EFHC2: variants seen among roughly 807,000 people sequenced by gnomAD.
EFHC2 encodes the protein EF-hand domain-containing family member C2.
EFHC2 carries 18 observed loss-of-function variants against 52.7 expected under a neutral mutation model. The observed-to-expected ratio is 0.34, with a 90% confidence interval of 0.24 to 0.51. EFHC2 has a LOEUF of 0.51. Among genes scored for constraint, EFHC2 ranks in the 20% least tolerant of loss-of-function variants. The pLI is 0.97. For synonymous variants in EFHC2, 203 were observed against 204.1 expected, an observed-to-expected ratio of 0.99 and a Z score of 0.04; for missense variants, 513 against 562.5, an observed-to-expected ratio of 0.91 and a Z score of 0.89.
At chrX:44,304,898 C>T (rs2037892869) in intron 2 of EFHC2, among the ~76,000 whole-genome samples, 1 of 109,437 alleles carries the variant, frequency 9.1e-6, no homozygotes, top group African/African-American at 3.3e-5. Flanking sequence ...TACACTTGGC[C>T]CCTGGATACT....
chrX:44,291,286 A>C (rs753635300), intron 2 of EFHC2, among the ~76,000 whole-genome samples: 5 of 111,920 alleles, frequency 4.5e-5, no homozygotes, highest in Non-Finnish European at 7.5e-5. Context: ...TCTTATTTTA[A>C]GAAAACTCAA....
At chrX:44,330,147 T>C (rs1015167481) in intron 1 of EFHC2, among the ~76,000 whole-genome samples, 4 of 105,651 alleles carry the variant, frequency 3.8e-5, no homozygotes, top group Non-Finnish European at 5.8e-5. Flanking sequence ...GTCCCAGCTA[T>C]TGGGGGGCTG....
chrX:44,166,432 G>A (rs2036697229), intron 13 of EFHC2, among the ~76,000 whole-genome samples: 1 of 111,486 alleles, frequency 9.0e-6, no homozygotes, highest in Non-Finnish European at 1.9e-5. Context: ...AGGGGCTGCT[G>A]GTTGGAAAGA....
chrX:44,248,485 A>C, intron 6 of EFHC2, 75 bp from the exon 7 acceptor site: 2 of 1,059,350 alleles, frequency 1.9e-6, no homozygotes. Flanking sequence ...CCAGAGAAAA[A>C]AAGGAAATTA....
chrX:44,336,386 A>G (rs1285244017), intron 1 of EFHC2, among the ~76,000 whole-genome samples: 2 of 107,473 alleles, frequency 1.9e-5, no homozygotes, highest in African/African-American at 6.7e-5. Flanking sequence ...CTCAGTCTCA[A>G]AAAAAAAAAA....
At chrX:44,189,506 C>T (rs372010734) in intron 11 of EFHC2, among the ~76,000 whole-genome samples, 2 of 112,080 alleles carry the variant, frequency 1.8e-5, no homozygotes, top group African/African-American at 3.2e-5. Context: ...TGCATGTGTA[C>T]GCCATGTAGG....
At chrX:44,168,174 ACT>A (rs2036712306) in intron 13 of EFHC2, among the ~76,000 whole-genome samples, 1 of 111,209 alleles carries the variant, frequency 9.0e-6, no homozygotes, top group African/African-American at 3.3e-5. Flanking sequence ...GTGACTGCAG[ACT>A]CCAGGTGCCA....
At chrX:44,160,499 T>C (rs764316457) in intron 14 of EFHC2, among the ~76,000 whole-genome samples, 52 of 112,075 alleles carry the variant, frequency 4.6e-4, no homozygotes, top group African/African-American at 1.6e-3. Flanking sequence ...TTACTGTAGG[T>C]TGTAGTACAA....
chrX:44,233,037 T>C (rs2037292006), intron 9 of EFHC2, among the ~76,000 whole-genome samples: 1 of 110,602 alleles, frequency 9.0e-6, no homozygotes, highest in Admixed American at 9.6e-5. Context: ...AGAGAAAAAA[T>C]GGTGTGTAAT....
intron 2 of EFHC2, chrX:44,310,423 C>T: frequency 1.0e-6 from 1 of 980,865 alleles, no homozygotes; most frequent in Non-Finnish European, 1.4e-6. Flanking sequence ...GCGGCGAGAG[C>T]TGCAGCTGCT....
chrX:44,291,300 A>G (rs1235426181), intron 2 of EFHC2, among the ~76,000 whole-genome samples: 1 of 112,129 alleles, frequency 8.9e-6, no homozygotes, highest in African/African-American at 3.2e-5. Context: ...AACTCAAGTT[A>G]TACAAACCTG....
rs149052535 is a variant in EFHC2 at position 44,190,233 on chromosome X, C to T, written c.1752-11669G>A. On this transcript the variant is annotated intron_variant, in intron 11 of 14. Transcript: ENST00000420999. The stretch of plus-strand genomic sequence containing the variant: ...GGTAGTGTCCACCAGCCTGGCAGAA[C>T]CTGTCTTCCACAGCAGCCTGGTGAC... Among the ~76,000 whole-genome samples the T allele has an allele frequency of 2.7e-5, 3 of 111,934 alleles. No homozygotes were observed. In the East Asian group the frequency reaches 8.5e-4, roughly 32 times the overall value.
rs776500825 is a variant in EFHC2 at position 44,305,160 on chromosome X, G to A, written c.231+7408C>T. Among the ~76,000 whole-genome samples the A allele has an allele frequency of 1.2e-3, 130 of 110,824 alleles. 1 individual carries two copies. The highest frequency in any genetic ancestry group is 4.0e-3 in the African/African-American group (123 of 30,460). On this transcript the variant is annotated intron_variant, in intron 2 of 14. Transcript: ENST00000420999. The stretch of plus-strand genomic sequence containing the variant: ...GCCTGTAGTCCCAGCTACTCGGGAG[G>A]CTGAGACAGGAGAATCGCTTGAACT...
At chrX:44,328,930 C>G (rs1360698396) in intron 1 of EFHC2, among the ~76,000 whole-genome samples, 1 of 111,622 alleles carries the variant, frequency 9.0e-6, no homozygotes, top group Non-Finnish European at 1.9e-5. Context: ...AGCCCCTATG[C>G]TCCGCCCGCT....
At chrX:44,287,039 A>AAG (rs2037755344) in intron 2 of EFHC2, among the ~76,000 whole-genome samples, 1 of 100,250 alleles carries the variant, frequency 1.0e-5, no homozygotes, top group Admixed American at 1.1e-4. Flanking sequence ...AAAAAAAAAA[A>AAG]AAAAAAAAAA....
In EFHC2 at chrX:44,241,893, GATA is replaced by G. The variant is rs71919545; in HGVS notation, c.1280+225_1280+227del. ...ATATGGAAAGGCAACATAGACTAGA[GATA>G]ATATTACTTTAGGGGCCTCCAGATG... On this transcript the variant is annotated intron_variant, in intron 8 of 14. Coordinates refer to ENST00000420999, the MANE Select transcript of EFHC2 (RefSeq NM_025184.4). Among the ~76,000 whole-genome samples, 303 of 112,125 alleles carry G rather than the reference GATA, an allele frequency of 2.7e-3. 8 individuals are homozygous for G. In the East Asian group the frequency reaches 0.065, roughly 24 times the overall value.
chrX:44,280,259 C>CA lies in EFHC2; in HGVS notation c.232-7424dup, dbSNP rs758141389. 6.3e-3 allele frequency among the ~76,000 whole-genome samples: 654 copies of CA among 103,501 alleles called. 11 individuals are homozygous for CA. In the South Asian group the frequency reaches 0.076, roughly 12 times the overall value. The allele number at this position is 103,501 out of a possible 115,157, so 89.9% of individuals were successfully genotyped here. A position where few individuals can be genotyped will look rare whatever the true frequency, so the allele number is the denominator to read the frequency against. On this transcript the variant is annotated intron_variant, in intron 2 of 14. Coordinates refer to ENST00000420999, the MANE Select transcript of EFHC2 (RefSeq NM_025184.4). ...CTGTAACAGTTACAAGCCACCTACA[C>CA]AAAAAAAAAACAGCATTTTACTCAC...
chrX:44,262,530 A>G (rs1250681525), intron 3 of EFHC2, among the ~76,000 whole-genome samples: 12 of 104,815 alleles, frequency 1.1e-4, no homozygotes, highest in African/African-American at 2.4e-4. Context: ...AAAAAAAAAA[A>G]AAAAAGAAAA....
chrX:44,285,454 C>T (rs1446594361), intron 2 of EFHC2: 1 of 112,061 alleles, frequency 8.9e-6, no homozygotes, highest in Non-Finnish European at 1.9e-5. Flanking sequence ...TCATTGATAC[C>T]CACTGTCATT....
Sources: gnomAD v4.1 joint callset for allele counts (sites outside exome capture counted in the v4.1 genomes callset) on GRCh38, gnomAD v4.1.1 for gene constraint, MANE v1.5 for transcripts, NCBI Gene and HGNC (gene_info 2026-07-23, HGNC 2026-07-21) for gene names.